CAD: variants seen among roughly 807,000 people sequenced by gnomAD.
CAD encodes the protein multifunctional protein CAD.
A neutral mutation model predicts 237.2 loss-of-function variants in CAD; 81 were observed. That is an observed-to-expected ratio of 0.34 (90% CI 0.29 to 0.41). The LOEUF is 0.41. Ranked by LOEUF, CAD falls within the 10% of genes least tolerant of loss-of-function variation. CAD has a pLI of 1.00. For synonymous variants in CAD, 1,196 were observed against 1,162.8 expected, an observed-to-expected ratio of 1.03 and a Z score of -0.58; for missense variants, 2,181 against 2,951.7, an observed-to-expected ratio of 0.74 and a Z score of 6.05.
Position 27,233,819 on chromosome 2 carries a change from G to T in CAD, c.3399+11G>T. The T allele has an allele frequency of 6.2e-7, 1 of 1,612,654 alleles. No homozygotes were observed. The highest frequency in any genetic ancestry group is 8.5e-7 in the Non-Finnish European group (1 of 1,179,490). On this transcript the variant is annotated intron_variant, in intron 21 of 43. Transcript: ENST00000264705. The surrounding 1 kb of genome is among the most constrained non-coding windows in gnomAD (Gnocchi z 6.3). ...ATCCAGGAGGCTAAGGTGGGAGGCT[G>T]CAGACAGTGAAGTCTCTGAGGGCAT...
At chr2:27,228,983 A>G (rs1449521000) in intron 15 of CAD, among the ~76,000 whole-genome samples, 1 of 129,656 alleles carries the variant, frequency 7.7e-6, no homozygotes, top group African/African-American at 3.0e-5. Flanking sequence ...CAGTGGTGCT[A>G]TCTCGGCTCA....
At chr2:27,231,920 AC>A (rs1434950465) in intron 16 of CAD, 59 bp from the exon 17 acceptor site, 1 of 1,601,882 alleles carries the variant, frequency 6.2e-7, no homozygotes, top group African/African-American at 1.4e-5. Flanking sequence ...GCAGCTACTT[AC>A]GCTCAGGCTT....
At chr2:27,225,589 G>A (rs1675410095) in intron 11 of CAD, 116 bp from the exon 12 acceptor site, 1 of 787,926 alleles carries the variant, frequency 1.3e-6, no homozygotes, top group Non-Finnish European at 2.1e-6. Context: ...TGGGGTTACA[G>A]GCGTGAGCCA....
chr2:27,230,742 T>G (rs925669604), intron 15 of CAD, among the ~76,000 whole-genome samples: 3 of 152,378 alleles, frequency 2.0e-5, no homozygotes, highest in East Asian at 3.9e-4. Flanking sequence ...CTTCCTATTA[T>G]CTACACTTTT....
In CAD at chr2:27,225,717, G is replaced by T; in HGVS notation, c.1633G>T (p.Ala545Ser). 6.2e-7 allele frequency: 1 copy of T among 1,613,742 alleles called. No individual in the cohort carries two copies. Among genetic ancestry groups the T allele is most frequent in the Non-Finnish European group, 8.5e-7 (1 of 1,179,706 alleles). The change falls in exon 12 of 44, where the codon GCT becomes TCT. Residue 545 changes from alanine (A) to serine (S), a missense_variant. Ala to Ser is a moderately conservative substitution (Grantham distance 99, BLOSUM62 1). Coordinates refer to ENST00000264705, the MANE Select transcript of CAD (RefSeq NM_004341.5). ...ANSLEQAQAAAERLGYPVLVR... is the reference protein window; with the variant it reads ...ANSLEQAQAASERLGYPVLVR... ...CCACTCATTGCAGGCCCAGGCAGCC[G>T]CTGAACGGCTGGGGTACCCTGTGCT...
In CAD at chr2:27,235,833, A is replaced by G. The variant is rs570800494; in HGVS notation, c.4074+193A>G. 1 of 540,946 alleles carries G rather than the reference A, an allele frequency of 1.8e-6. No individual in the cohort carries two copies. Among genetic ancestry groups the G allele is most frequent in the African/African-American group, 1.9e-5 (1 of 51,894 alleles). The allele number at this position is 540,946 out of a possible 1,614,324, so 33.5% of individuals were successfully genotyped here. On this transcript the variant is annotated intron_variant, in intron 25 of 43. Coordinates refer to ENST00000264705, the MANE Select transcript of CAD (RefSeq NM_004341.5). This position sits in a 1 kb window ranked among gnomAD's most constrained non-coding sequence, Gnocchi z 5.2. Reference sequence around the variant, plus strand: ...TGAGCTGCGAGTGTGCAGTGAGTGCACCACTGCACTCCAGCTTGGGAAACA... The same window carrying G: ...TGAGCTGCGAGTGTGCAGTGAGTGCGCCACTGCACTCCAGCTTGGGAAACA...
At chr2:27,224,973 A>G (rs1034519493) in intron 10 of CAD, 37 bp from the exon 11 acceptor site, 3 of 1,606,806 alleles carry the variant, frequency 1.9e-6, no homozygotes, top group Non-Finnish European at 2.6e-6. Flanking sequence ...TCTACCCACA[A>G]GGTTCTGATG....
At position 27,233,881 on chromosome 2, in the gene CAD, A is replaced by G; in HGVS notation, c.3399+73A>G. On this transcript the variant is annotated intron_variant, in intron 21 of 43. Transcript: ENST00000264705. The surrounding 1 kb of genome is among the most constrained non-coding windows in gnomAD (Gnocchi z 6.3). ...TGGAGGAGACTTCCTTCTCTGGTCC[A>G]GCAGAATCATAGGCACCAGGGCTGG... 1.3e-6 allele frequency: 2 copies of G among 1,577,622 alleles called. No homozygotes were observed. Among genetic ancestry groups the G allele is most frequent in the Non-Finnish European group, 1.7e-6 (2 of 1,151,638 alleles).
chr2:27,220,283 G>A (rs2148055404), intron 2 of CAD, among the ~76,000 whole-genome samples: 1 of 152,330 alleles, frequency 6.6e-6, no homozygotes, highest in Middle Eastern at 3.4e-3. Flanking sequence ...CTCTAAGATG[G>A]AGGCACAAGC....
chr2:27,237,315 T>A lies in CAD; in HGVS notation c.4397-64T>A, dbSNP rs1156799916. ...CTAGGATTACAGGCGTGAGCCACCA[T>A]GTCCAGCTCACCCTTCCTATTTCTG... On this transcript the variant is annotated intron_variant, in intron 27 of 43. Transcript: ENST00000264705. This position sits in a 1 kb window ranked among gnomAD's most constrained non-coding sequence, Gnocchi z 4.0. The A allele has an allele frequency of 1.9e-5, 29 of 1,542,760 alleles. No homozygotes were observed. Among genetic ancestry groups the A allele is most frequent in the Non-Finnish European group, 2.6e-5 (29 of 1,121,032 alleles).
intron 6 of CAD, 62 bp downstream of exon 6, chr2:27,223,099 G>A: frequency 6.5e-7 from 1 of 1,537,486 alleles, no homozygotes. Context: ...GGTGTCTCAG[G>A]AATGAGAAGA....
At chr2:27,238,711 A>C in intron 31 of CAD, 79 bp downstream of exon 31, 1 of 1,350,184 alleles carries the variant, frequency 7.4e-7, no homozygotes, top group Non-Finnish European at 1.0e-6. Context: ...GAAGCAGGCC[A>C]GGCCTCAGGA....
In CAD at chr2:27,238,096, A is replaced by G. The variant is rs1572448231; in HGVS notation, c.4769A>G (p.His1590Arg). ...TWPSHLPIVAHAEQQTVAAVL... is the reference protein window; with the variant it reads ...TWPSHLPIVARAEQQTVAAVL... ...CCCTCCCACCTCCCCATTGTGGCTC[A>G]CGCAGAGCAGCAAACCGTGGCTGCT... The change falls in exon 30 of 44, where the codon CAC becomes CGC. Residue 1590 changes from histidine to arginine, a missense_variant. Coordinates refer to ENST00000264705, the MANE Select transcript of CAD (RefSeq NM_004341.5). 6.2e-7 allele frequency: 1 copy of G among 1,614,208 alleles called. No homozygotes were observed. Among genetic ancestry groups the G allele is most frequent in the Non-Finnish European group, 8.5e-7 (1 of 1,180,046 alleles).
rs778424786 is a variant in CAD, at chr2:27,240,255, A to G, written c.5497-10A>G. The G allele has an allele frequency of 1.9e-6, 3 of 1,604,190 alleles. No homozygotes were observed. Among genetic ancestry groups the G allele is most frequent in the Admixed American group, 1.7e-5 (1 of 59,454 alleles). On this transcript the variant is annotated splice_polypyrimidine_tract_variant and intron_variant, in intron 34 of 43. Transcript: ENST00000264705. This position sits in a 1 kb window ranked among gnomAD's most constrained non-coding sequence, Gnocchi z 4.6. The stretch of plus-strand genomic sequence containing the variant: ...AAAAAAACAACTCTGGGCCAACGTT[A>G]TCCCTCCAGACACCTGAAAGACCCC...
chr2:27,221,540 C>T (rs989865028), intron 3 of CAD, among the ~76,000 whole-genome samples, 193 bp downstream of exon 3: 3 of 152,156 alleles, frequency 2.0e-5, no homozygotes, highest in African/African-American at 7.2e-5. Flanking sequence ...GGAACTCCCA[C>T]CTTCCATAAT....
chr2:27,238,552 G>C lies in CAD; in HGVS notation c.4982G>C (p.Arg1661Pro). 1 of 1,614,112 alleles carries C rather than the reference G, an allele frequency of 6.2e-7. No individual in the cohort carries two copies. Among genetic ancestry groups the C allele is most frequent in the Non-Finnish European group, 8.5e-7 (1 of 1,180,010 alleles). ...CTGGGGCCTGGGAAGGGGGAGGTCC[G>C]GCCTGAGCTTGGCTCCCGCCAGGAT... ...ERLGPGKGEV[R>P]PELGSRQDVE... Residue 1661 changes from arginine (R) to proline (P), a missense_variant, in exon 31 of 44, where the codon CGG (arginine) becomes CCG (proline). Physicochemically the swap from Arg to Pro is moderately radical, Grantham distance 103. Coordinates refer to ENST00000264705, the MANE Select transcript of CAD (RefSeq NM_004341.5).
rs977344903 is a variant in CAD, at chr2:27,240,694, C to T, written c.5594-217C>T. On this transcript the variant is annotated intron_variant, in intron 35 of 43. Transcript: ENST00000264705. This position sits in a 1 kb window ranked among gnomAD's most constrained non-coding sequence, Gnocchi z 4.6. Reference sequence around the variant, plus strand: ...ATGCCTTTGCCAACTGGGAGAGCCCCGGGAGGGCACCACTGCTCCCATACA... The same window carrying T: ...ATGCCTTTGCCAACTGGGAGAGCCCTGGGAGGGCACCACTGCTCCCATACA... The T allele has an allele frequency of 1.7e-5, 24 of 1,438,186 alleles. No individual in the cohort carries two copies. The highest frequency in any genetic ancestry group is 2.5e-5 in the South Asian group (2 of 78,650). 89.1% of individuals were successfully genotyped at this position (1,438,186 alleles called of 1,614,324 possible).
rs1489507264 is a variant in CAD at position 27,235,871 on chromosome 2, C to G, written c.4074+231C>G. On this transcript the variant is annotated intron_variant, in intron 25 of 43. Coordinates refer to ENST00000264705, the MANE Select transcript of CAD (RefSeq NM_004341.5). The surrounding 1 kb of genome is among the most constrained non-coding windows in gnomAD (Gnocchi z 5.2). The stretch of plus-strand genomic sequence containing the variant: ...AGCTTGGGAAACAGTGAGATGCTGT[C>G]TCAAAAAAAAAAAAAACAAAGAATT... 1 of 441,808 alleles carries G rather than the reference C, an allele frequency of 2.3e-6. No individual in the cohort carries two copies. Among genetic ancestry groups the G allele is most frequent in the East Asian group, 3.8e-5 (1 of 26,574 alleles). 27.4% of individuals were successfully genotyped at this position (441,808 alleles called of 1,614,324 possible).
Position 27,236,508 on chromosome 2 carries a change from C to T in CAD, c.4299C>T (p.Thr1433=). The T allele has an allele frequency of 6.2e-7, 1 of 1,612,216 alleles. No individual in the cohort carries two copies. Among genetic ancestry groups the T allele is most frequent in the Admixed American group, 1.7e-5 (1 of 60,026 alleles). ...SVPLIIDIKC[T]KLFVEALGQI... The stretch of plus-strand genomic sequence containing the variant: ...CCCTAATCATCGATATCAAGTGCAC[C>T]AAACTCTTTGTGGAGGTAACTGAGA... The change falls in exon 26 of 44, where the codon ACC becomes ACT. Residue 1433 remains threonine (T), a synonymous_variant. Transcript: ENST00000264705. This position sits in a 1 kb window ranked among gnomAD's most constrained non-coding sequence, Gnocchi z 4.1.
Sources: gnomAD v4.1 joint callset for allele counts (sites outside exome capture counted in the v4.1 genomes callset) on GRCh38, gnomAD v4.1.1 for gene constraint, Gnocchi (gnomAD v3.1) non-coding constraint, MANE v1.5 for transcripts, NCBI Gene and HGNC (gene_info 2026-07-23, HGNC 2026-07-21) for gene names.